Variants in WTAP observed in about 807,000 individuals in gnomAD.
The protein encoded by WTAP is pre-mRNA-splicing regulator WTAP.
WTAP carries 8 observed loss-of-function variants against 50.0 expected under a neutral mutation model. The observed-to-expected ratio is 0.16, with a 90% CI of 0.09 to 0.29. The LOEUF is 0.29. WTAP is among the 10% of genes least tolerant of loss of function. The pLI is 1.00. For synonymous variants in WTAP, 194 were observed against 169.0 expected (o/e 1.15, Z -1.15); for missense variants, 295 against 470.7 (o/e 0.63, Z 3.45).
rs56389349 is a variant in WTAP at position 159,739,824 on chromosome 6, C to CTTTTT, written c.86+808_86+812dup. 3.4e-4 allele frequency among the ~76,000 whole-genome samples: 29 copies of CTTTTT among 85,160 alleles called. 1 individual carries two copies. Among genetic ancestry groups the CTTTTT allele is most frequent in the Non-Finnish European group, 5.7e-4 (26 of 45,970 alleles). 55.9% of individuals were successfully genotyped at this position (85,160 alleles called of 152,430 possible). A position where few individuals can be genotyped will look rare whatever the true frequency, so the allele number is the denominator to read the frequency against. ...ACTGTATTATGAACACACTTTTTAC[C>CTTTTT]TTTTTTTTTTTTTTTTTTTTTTTTT... is the stretch of plus-strand genomic sequence containing the variant. On this transcript the variant is annotated intron_variant, in intron 3 of 7. Transcript: ENST00000621533.
chr6:159,744,632 C>G (rs983970022), intron 5 of WTAP, among the ~76,000 whole-genome samples: 2 of 152,200 alleles, frequency 1.3e-5, no homozygotes. Context: ...CGTATTTACT[C>G]TTCTTTCACT....
upstream of WTAP, chr6:159,726,777 A>T: frequency 7.8e-7 from 1 of 1,289,040 alleles, no homozygotes; most frequent in Non-Finnish European, 1.0e-6. Flanking sequence ...AGGAGGAACG[A>T]ACCCAGCGGC....
upstream of WTAP, chr6:159,727,055 T>G: frequency 1.6e-6 from 2 of 1,217,234 alleles, no homozygotes; most frequent in Non-Finnish European, 2.1e-6. Context: ...TACTTCCACC[T>G]TCCCTTCCCG....
At chr6:159,733,401 G>A (rs1778708436) in intron 1 of WTAP, among the ~76,000 whole-genome samples, 1 of 152,144 alleles carries the variant, frequency 6.6e-6, no homozygotes, top group Non-Finnish European at 1.5e-5. Flanking sequence ...TGGATTGCTT[G>A]CGCCCAGGAG....
At chr6:159,741,363 C>G in intron 3 of WTAP, among the ~76,000 whole-genome samples, 1 of 152,156 alleles carries the variant, frequency 6.6e-6, no homozygotes. Context: ...TGTTTACAGG[C>G]AGAAATTGAT....
chr6:159,749,887 A>G (rs936380818), intron 6 of WTAP, among the ~76,000 whole-genome samples: 1 of 152,190 alleles, frequency 6.6e-6, no homozygotes, highest in Non-Finnish European at 1.5e-5. Context: ...CACCAATTCA[A>G]ATTTTCGCTT....
At chr6:159,727,910 C>G (rs1409969697) in intron 1 of WTAP, among the ~76,000 whole-genome samples, 3 of 152,232 alleles carry the variant, frequency 2.0e-5, no homozygotes, top group African/African-American at 2.4e-5. Context: ...CTCTGTCCTC[C>G]GTCCCCAAGG....
intron 1 of WTAP, among the ~76,000 whole-genome samples, chr6:159,733,868 A>G (rs1192194239): frequency 6.6e-6 from 1 of 152,178 alleles, no homozygotes; most frequent in East Asian, 1.9e-4. Context: ...GTGAGCCGAG[A>G]TCGCGCCGTT....
At position 159,753,294 on chromosome 6, in the gene WTAP, A is replaced by G. The variant is rs1313578443; in HGVS notation, c.453-166A>G. 8.5e-5 allele frequency: 87 copies of G among 1,019,608 alleles called. No homozygotes were observed. The East Asian group carries it at 1.5e-3, about 17-fold the overall frequency. The allele number at this position is 1,019,608 out of a possible 1,614,324, so 63.2% of individuals were successfully genotyped here. A position where few individuals can be genotyped will look rare whatever the true frequency, so the allele number is the denominator to read the frequency against. On this transcript the variant is annotated intron_variant, in intron 6 of 7. Transcript: ENST00000621533. ...TTACTGCTGTGTTGGCAAAATACTG[A>G]AATGCAGAAGATGGATGTGTCCCAG...
upstream of WTAP, chr6:159,727,044 G>C: frequency 3.7e-5 from 45 of 1,224,526 alleles, no homozygotes; most frequent in Non-Finnish European, 4.6e-5. Context: ...GCCCCGGCGA[G>C]TACTTCCACC....
intron 6 of WTAP, among the ~76,000 whole-genome samples, chr6:159,752,663 A>G (rs1214793429): frequency 2.0e-5 from 3 of 151,390 alleles, no homozygotes; most frequent in Non-Finnish European, 4.4e-5. Flanking sequence ...AGTCTTTAAA[A>G]AAAAAACCTT....
chr6:159,743,905 A>G (rs538100182), intron 5 of WTAP, 113 bp downstream of exon 5: 2 of 1,179,466 alleles, frequency 1.7e-6, no homozygotes, highest in South Asian at 4.6e-5. Context: ...TATCTTTTAT[A>G]GGTACGTATG....
intron 1 of WTAP, among the ~76,000 whole-genome samples, chr6:159,728,191 C>A (rs182881396): frequency 6.6e-6 from 1 of 152,348 alleles, no homozygotes; most frequent in East Asian, 1.9e-4. Context: ...TATAAGCATT[C>A]TGAGGAAAGA....
intron 6 of WTAP, among the ~76,000 whole-genome samples, chr6:159,749,767 G>A (rs1779755141): frequency 6.6e-6 from 1 of 152,130 alleles, no homozygotes; most frequent in Admixed American, 6.5e-5. Context: ...AAGGTATAGT[G>A]ATCATTTCTA....
At chr6:159,727,143 T>G (rs1461797945), upstream of WTAP, 1 of 1,193,296 alleles carries the variant, frequency 8.4e-7, no homozygotes, top group Non-Finnish European at 1.1e-6. Context: ...CTTGCTGAGC[T>G]CCGGGGCCCG....
At chr6:159,730,734 A>G (rs765901813) in intron 1 of WTAP, among the ~76,000 whole-genome samples, 1 of 152,340 alleles carries the variant, frequency 6.6e-6, no homozygotes, top group Admixed American at 6.5e-5. Context: ...AGACAGCTAG[A>G]GTGATCTTAA....
At chr6:159,738,783 A>C (rs569838815) in intron 2 of WTAP, among the ~76,000 whole-genome samples, 1 of 152,012 alleles carries the variant, frequency 6.6e-6, no homozygotes, top group Admixed American at 6.6e-5. Context: ...TTTAATGTGC[A>C]TTTTCCTAAT....
Position 159,755,032 on chromosome 6 carries a change from G to A in WTAP, c.612G>A (p.Leu204=). 1 of 1,610,972 alleles carries A rather than the reference G, an allele frequency of 6.2e-7. No individual in the cohort carries two copies. Among genetic ancestry groups the A allele is most frequent in the Non-Finnish European group, 8.5e-7 (1 of 1,178,172 alleles). Residue 204 remains leucine (L), a synonymous_variant, in exon 8 of 8, where the codon CTG becomes CTA. Transcript: ENST00000621533. ...SEELKSSQDE[L]NDFIIQLDEE... ...GTCTGACTCTCCTTTGCACAGAACT[G>A]AATGACTTCATCATCCAGCTTGATG...
chr6:159,730,763 A>G (rs1215035436), intron 1 of WTAP: 1 of 152,232 alleles, frequency 6.6e-6, no homozygotes, highest in Non-Finnish European at 1.5e-5. Context: ...CTGAGAGTTG[A>G]CTTAGGAAGT....
Sources: gnomAD v4.1 joint callset for allele counts (sites outside exome capture counted in the v4.1 genomes callset) on GRCh38, gnomAD v4.1.1 for gene constraint, MANE v1.5 for transcripts, NCBI Gene and HGNC (gene_info 2026-07-23, HGNC 2026-07-21) for gene names.